UNC5D: variants seen among roughly 807,000 people sequenced by gnomAD.
UNC5D encodes the protein netrin receptor UNC5D.
A neutral mutation model predicts 105.4 loss-of-function variants in UNC5D; 39 were observed. The observed-to-expected ratio is 0.37, with a 90% CI of 0.29 to 0.48. UNC5D has a LOEUF of 0.48. Ranked by LOEUF, UNC5D falls within the 20% of genes least tolerant of loss-of-function variation. The pLI is 0.98. For synonymous variants in UNC5D, 452 were observed against 450.4 expected (o/e 1.00, Z -0.04); for missense variants, 991 against 1,202.4 (o/e 0.82, Z 2.60).
chr8:35,541,141 A>G (rs1586087841), intron 1 of UNC5D, among the ~76,000 whole-genome samples: 1 of 152,204 alleles, frequency 6.6e-6, no homozygotes, highest in Non-Finnish European at 1.5e-5. Context: ...TCCTTGAACC[A>G]AAATAGGTTT....
rs184709742 is a variant in UNC5D, at chr8:35,521,229, A to C, written c.104-28063A>C. 2.0e-3 allele frequency among the ~76,000 whole-genome samples: 303 copies of C among 152,272 alleles called. 2 individuals are homozygous for C. Among genetic ancestry groups the C allele is most frequent in the Middle Eastern group, 6.8e-3 (2 of 294 alleles). Reference sequence around the variant, plus strand: ...TTGAAAGGGAGGAGGCAGAGGAGGAATAGACGAGCATGAGAGGTGAGAGAA... The same window carrying C: ...TTGAAAGGGAGGAGGCAGAGGAGGACTAGACGAGCATGAGAGGTGAGAGAA... On this transcript the variant is annotated intron_variant, in intron 1 of 16. Transcript: ENST00000404895.
chr8:35,612,723 C>CTTTTTTG (rs1820766003), intron 4 of UNC5D, among the ~76,000 whole-genome samples: 1 of 64,742 alleles, frequency 1.5e-5, no homozygotes, highest in African/African-American at 7.1e-5. Flanking sequence ...AATGTTTTGC[C>CTTTTTTG]TTTTTTTTTT....
At chr8:35,719,258 AC>A (rs1164635947) in intron 8 of UNC5D, among the ~76,000 whole-genome samples, 1 of 152,032 alleles carries the variant, frequency 6.6e-6, no homozygotes, top group Non-Finnish European at 1.5e-5. Context: ...AGTACTGAAC[AC>A]ATGAAAGAGA....
chr8:35,787,096 C>G (rs1563763244), intron 16 of UNC5D, among the ~76,000 whole-genome samples: 1 of 152,072 alleles, frequency 6.6e-6, no homozygotes, highest in Non-Finnish European at 1.5e-5. Flanking sequence ...CAACACGGAC[C>G]ACATGTGGCC....
intron 1 of UNC5D, among the ~76,000 whole-genome samples, chr8:35,394,628 G>T (rs1170609350): frequency 1.3e-5 from 2 of 151,558 alleles, no homozygotes; most frequent in East Asian, 3.9e-4. Flanking sequence ...GTGAATTTAT[G>T]GTATATAAAA....
intron 4 of UNC5D, among the ~76,000 whole-genome samples, chr8:35,608,420 T>A (rs939988920): frequency 5.9e-5 from 9 of 152,212 alleles, no homozygotes; most frequent in Non-Finnish European, 8.8e-5. Context: ...CATTTATTTT[T>A]AAAAATCTGA....
At chr8:35,758,755 CTTATT>C (rs1416465807) in intron 13 of UNC5D, among the ~76,000 whole-genome samples, 1 of 152,198 alleles carries the variant, frequency 6.6e-6, no homozygotes, top group Non-Finnish European at 1.5e-5. Context: ...TGATACACAA[CTTATT>C]TTTTCTTGAC....
At chr8:35,722,582 G>A (rs557021366) in intron 9 of UNC5D, among the ~76,000 whole-genome samples, 187 bp downstream of exon 9, 1 of 152,346 alleles carries the variant, frequency 6.6e-6, no homozygotes, top group South Asian at 2.1e-4. Flanking sequence ...GTCTGCCACA[G>A]GGACAAGAGG....
chr8:35,631,245 CGGAGG>C (rs1822019984), intron 4 of UNC5D, among the ~76,000 whole-genome samples: 1 of 150,502 alleles, frequency 6.6e-6, no homozygotes, highest in Non-Finnish European at 1.5e-5. Flanking sequence ...ACCCAGGAGG[CGGAGG>C]TTTCAGTGAG....
At chr8:35,710,264 A>C (rs1827857418) in intron 8 of UNC5D, among the ~76,000 whole-genome samples, 1 of 152,190 alleles carries the variant, frequency 6.6e-6, no homozygotes, top group South Asian at 2.1e-4. Flanking sequence ...ATGTCTTTTG[A>C]TGTCAGAGTC....
At chr8:35,270,111 A>T (rs951410561) in intron 1 of UNC5D, among the ~76,000 whole-genome samples, 1 of 152,168 alleles carries the variant, frequency 6.6e-6, no homozygotes, top group Non-Finnish European at 1.5e-5. Context: ...AGGCAACCAG[A>T]GAGATGAACT....
rs180981179 is a variant in UNC5D at position 35,641,562 on chromosome 8, C to G, written c.571-41985C>G. 1.8e-3 allele frequency among the ~76,000 whole-genome samples: 280 copies of G among 151,890 alleles called. 1 individual carries two copies. The highest frequency in any genetic ancestry group is 6.3e-3 in the African/African-American group (260 of 41,422). ...CCTTCATTAGACATTGAGTCATATTCTACAATTTGTAATATTTTATGACAG... is the reference window on the plus strand; with the variant it reads ...CCTTCATTAGACATTGAGTCATATTGTACAATTTGTAATATTTTATGACAG... On this transcript the variant is annotated intron_variant, in intron 4 of 16. Transcript: ENST00000404895.
chr8:35,556,875 T>G (rs1816588913), intron 2 of UNC5D, among the ~76,000 whole-genome samples: 2 of 152,196 alleles, frequency 1.3e-5, no homozygotes, highest in African/African-American at 2.4e-5. Context: ...AGTTCCAGCC[T>G]CATTTTCCTA....
intron 11 of UNC5D, among the ~76,000 whole-genome samples, chr8:35,741,759 T>A (rs1253178475): frequency 6.6e-6 from 1 of 152,174 alleles, no homozygotes; most frequent in Admixed American, 6.5e-5. Flanking sequence ...CCCCAGTGCA[T>A]GAGATGTTGC....
chr8:35,386,877 T>A (rs1803431892), intron 1 of UNC5D, among the ~76,000 whole-genome samples: 1 of 152,186 alleles, frequency 6.6e-6, no homozygotes, highest in African/African-American at 2.4e-5. Context: ...TATTTTTTAT[T>A]TTTTATTTTT....
chr8:35,697,274 T>C (rs1213904890), intron 7 of UNC5D, among the ~76,000 whole-genome samples: 1 of 151,302 alleles, frequency 6.6e-6, no homozygotes, highest in Non-Finnish European at 1.5e-5. Flanking sequence ...ATTAAACATA[T>C]ATATACACAT....
chr8:35,432,703 C>T (rs1275983536), intron 1 of UNC5D, among the ~76,000 whole-genome samples: 3 of 152,066 alleles, frequency 2.0e-5, no homozygotes, highest in Admixed American at 6.6e-5. Flanking sequence ...AATAATAAAC[C>T]ATCTTATCTT....
intron 7 of UNC5D, among the ~76,000 whole-genome samples, chr8:35,700,724 C>T (rs1827133797): frequency 6.6e-6 from 1 of 152,122 alleles, no homozygotes. Context: ...TGGATTTGTA[C>T]TGAGGTGCTC....
intron 1 of UNC5D, among the ~76,000 whole-genome samples, chr8:35,440,353 G>T (rs751004064): frequency 6.6e-6 from 1 of 151,826 alleles, no homozygotes; most frequent in Non-Finnish European, 1.5e-5. Context: ...AACTCAGCCC[G>T]GGTGTCTCGG....
Sources: allele counts gnomAD v4.1 joint callset (sites outside exome capture counted in the v4.1 genomes callset), GRCh38; gene constraint gnomAD v4.1.1; transcripts MANE v1.5; gene names NCBI Gene and HGNC (gene_info 2026-07-23, HGNC 2026-07-21).